KLF8: variants seen among roughly 807,000 people sequenced by gnomAD.
KLF8 encodes the protein Krueppel-like factor 8.
In KLF8, 10 loss-of-function variants were observed where a neutral mutation model predicts 18.2. That is an observed-to-expected ratio of 0.55 (90% CI 0.34 to 0.93). KLF8 has a LOEUF of 0.93. KLF8 is among the 40% of genes least tolerant of loss of function. The pLI, the probability that KLF8 is intolerant of heterozygous loss-of-function variation, is 0.02. For synonymous variants in KLF8, 109 were observed against 97.3 expected, an observed-to-expected ratio of 1.12 and a Z score of -0.71; for missense variants, 264 against 277.9, an observed-to-expected ratio of 0.95 and a Z score of 0.36.
the KLF8 span, among the ~76,000 whole-genome samples, chrX:56,043,689 C>A: frequency 1.8e-5 from 2 of 112,175 alleles, no homozygotes; most frequent in African/African-American, 6.5e-5. Context: ...GCTATTCAGG[C>A]TATCAGCTCC....
At chrX:56,027,636 G>A in the KLF8 span, among the ~76,000 whole-genome samples, 9,846 of 111,654 alleles carry the variant, frequency 0.088, 1,047 homozygotes, top group African/African-American at 0.31. Flanking sequence ...GGTTACCACC[G>A]CATATCCTGG....
At chrX:56,037,304 G>T in the KLF8 span, among the ~76,000 whole-genome samples, 2 of 110,893 alleles carry the variant, frequency 1.8e-5, no homozygotes, top group Admixed American at 1.9e-4. Flanking sequence ...ATTTGTTGGT[G>T]GATTCCATTT....
At chrX:56,054,654 C>T in the KLF8 span, among the ~76,000 whole-genome samples, 1 of 111,249 alleles carries the variant, frequency 9.0e-6, no homozygotes, top group Non-Finnish European at 1.9e-5. Context: ...TAATTTTCTG[C>T]CTTGATGATC....
At chrX:56,021,828 T>G in the KLF8 span, among the ~76,000 whole-genome samples, 1 of 110,648 alleles carries the variant, frequency 9.0e-6, no homozygotes, top group African/African-American at 3.3e-5. Flanking sequence ...TACCCCACCT[T>G]GGCACTGTGC....
At chrX:56,281,551 G>C (rs2067201506) in intron 5 of KLF8, among the ~76,000 whole-genome samples, 1 of 111,098 alleles carries the variant, frequency 9.0e-6, no homozygotes, top group Non-Finnish European at 1.9e-5. Flanking sequence ...CGGGACTACA[G>C]GTGTGCACCA....
At chrX:56,113,687 T>C in the KLF8 span, among the ~76,000 whole-genome samples, 5 of 109,221 alleles carry the variant, frequency 4.6e-5, no homozygotes, top group Admixed American at 9.8e-5. Context: ...CAGATCGGTT[T>C]TGAATTTGAG....
chrX:56,059,255 C>G, the KLF8 span, among the ~76,000 whole-genome samples: 29 of 111,892 alleles, frequency 2.6e-4, no homozygotes, highest in African/African-American at 8.8e-4. Flanking sequence ...GATATTAGCC[C>G]TTTGCCAGAT....
rs1200770553 is a variant in KLF8 at position 56,265,536 on chromosome X, C to T, written c.438C>T (p.Thr146=). The part of the protein sequence containing the change: ...PTVLTPGSVL[T]SSQSTGSQQI... The stretch of plus-strand genomic sequence containing the variant: ...TTCTGACCCCAGGCTCTGTCCTGAC[C>T]TCCTCTCAGAGCACTGGTAGCCAGC... Residue 146 remains threonine, a synonymous_variant, in exon 3 of 6, where the codon ACC becomes ACT. Coordinates refer to ENST00000468660, the MANE Select transcript of KLF8 (RefSeq NM_007250.5). 1.7e-6 allele frequency: 2 copies of T among 1,211,276 alleles called. No individual in the cohort carries two copies. Among genetic ancestry groups the T allele is most frequent in the East Asian group, 3.0e-5 (1 of 33,856 alleles).
intron 2 of KLF8, among the ~76,000 whole-genome samples, chrX:56,257,214 C>A (rs2066809362): frequency 9.0e-6 from 1 of 110,947 alleles, no homozygotes; most frequent in Non-Finnish European, 1.9e-5. Context: ...TGTGTTTTGT[C>A]ACCTAACGTA....
the KLF8 span, among the ~76,000 whole-genome samples, chrX:56,126,750 TTC>T: frequency 3.5e-5 from 3 of 84,755 alleles, no homozygotes; most frequent in Non-Finnish European, 4.8e-5. Flanking sequence ...CTTTCTTTCT[TTC>T]TTTTTTTTTT....
the KLF8 span, among the ~76,000 whole-genome samples, chrX:56,123,763 T>A: frequency 1.8e-5 from 2 of 112,165 alleles, no homozygotes. Flanking sequence ...GAATTATTTT[T>A]CCAGGGCATT....
chrX:56,173,748 A>C, the KLF8 span, among the ~76,000 whole-genome samples: 3 of 111,803 alleles, frequency 2.7e-5, no homozygotes, highest in East Asian at 5.6e-4. Flanking sequence ...ATGTTCTTCC[A>C]TTTGTTTGTA....
chrX:56,092,822 T>C, the KLF8 span, among the ~76,000 whole-genome samples: 5 of 109,008 alleles, frequency 4.6e-5, no homozygotes, highest in Admixed American at 2.0e-4. Flanking sequence ...GTCTGAGTAA[T>C]GTAAGTAGAG....
the KLF8 span, among the ~76,000 whole-genome samples, chrX:55,953,339 A>G: frequency 2.7e-5 from 3 of 111,174 alleles, no homozygotes; most frequent in Admixed American, 9.6e-5. Context: ...AGTCAGAGGA[A>G]CCTTCTAAGA....
chrX:56,222,978 G>A, the KLF8 span, among the ~76,000 whole-genome samples: 1 of 112,857 alleles, frequency 8.9e-6, no homozygotes, highest in Non-Finnish European at 1.9e-5. Context: ...TCTGGCCTCA[G>A]CCATCCCAGG....
At chrX:55,944,314 AG>A in the KLF8 span, among the ~76,000 whole-genome samples, 1 of 110,247 alleles carries the variant, frequency 9.1e-6, no homozygotes, top group Non-Finnish European at 1.9e-5. Context: ...TGTCTCTGTC[AG>A]GCTTTGGTAT....
the KLF8 span, among the ~76,000 whole-genome samples, chrX:56,119,829 A>G: frequency 1.5e-4 from 16 of 107,946 alleles, no homozygotes; most frequent in African/African-American, 4.7e-4. Flanking sequence ...TGTGCCTGCA[A>G]GCAGAAGAAT....
chrX:56,077,799 G>T, the KLF8 span, among the ~76,000 whole-genome samples: 1 of 111,476 alleles, frequency 9.0e-6, no homozygotes, highest in Non-Finnish European at 1.9e-5. Flanking sequence ...CCATTTGTTT[G>T]TATCCTCTTT....
chrX:56,050,090 A>G, the KLF8 span, among the ~76,000 whole-genome samples: 3 of 110,012 alleles, frequency 2.7e-5, no homozygotes, highest in Admixed American at 9.6e-5. Flanking sequence ...GGTAGTTTGT[A>G]TTTCTGTGGG....
Sources: allele counts gnomAD v4.1 joint callset (sites outside exome capture counted in the v4.1 genomes callset), GRCh38; gene constraint gnomAD v4.1.1; transcripts MANE v1.5; gene names NCBI Gene and HGNC (gene_info 2026-07-23, HGNC 2026-07-21).